The following SH2D4A variants were observed in gnomAD, a reference collection of about 807,000 sequenced individuals.
SH2D4A encodes the protein SH2 domain containing 4A.
In SH2D4A, 70 loss-of-function variants were observed where a neutral mutation model predicts 64.7. The observed-to-expected ratio is 1.08, with a 90% CI of 0.89 to 1.32. The LOEUF (loss-of-function observed/expected upper bound fraction) is 1.32, where lower values mean the gene tolerates loss of function less well. Among genes scored for constraint, SH2D4A ranks in the 40% most tolerant of loss-of-function variants. The pLI is 0.00. For missense variants in SH2D4A, 706 were observed against 540.1 expected (o/e 1.31, Z -3.04); for synonymous variants, 268 against 200.7 (o/e 1.34, Z -2.83).
intron 7 of SH2D4A, among the ~76,000 whole-genome samples, chr8:19,365,289 G>C (rs914063985): frequency 1.3e-5 from 2 of 152,106 alleles, no homozygotes; most frequent in African/African-American, 4.8e-5. Context: ...TTCGGGAAGT[G>C]GGGACCAACG....
intron 7 of SH2D4A, among the ~76,000 whole-genome samples, chr8:19,366,171 A>C (rs2052990624): frequency 6.6e-6 from 1 of 152,092 alleles, no homozygotes. Flanking sequence ...TTTTGTTTTT[A>C]ATTGACACAA....
chr8:19,393,256 A>G, intron 8 of SH2D4A, 62 bp from the exon 9 acceptor site: 1 of 1,485,268 alleles, frequency 6.7e-7, no homozygotes, highest in Non-Finnish European at 9.4e-7. Context: ...AGCTGGATTT[A>G]ACAGAGGGGA....
intron 6 of SH2D4A, among the ~76,000 whole-genome samples, chr8:19,361,641 C>A (rs2052890352): frequency 6.6e-6 from 1 of 152,056 alleles, no homozygotes; most frequent in African/African-American, 2.4e-5. Context: ...GAAGAAAAAA[C>A]ACCATGAAAT....
chr8:19,325,203 C>A (rs2052258311), intron 2 of SH2D4A, among the ~76,000 whole-genome samples: 1 of 152,152 alleles, frequency 6.6e-6, no homozygotes, highest in African/African-American at 2.4e-5. Flanking sequence ...CTCACTCACC[C>A]ACCTAGTCTC....
chr8:19,361,147 A>T, intron 5 of SH2D4A, 56 bp from the exon 6 acceptor site: 1 of 1,040,972 alleles, frequency 9.6e-7, no homozygotes, highest in Non-Finnish European at 1.4e-6. Flanking sequence ...TTGCTCACCA[A>T]GGTTCTTTTT....
At chr8:19,333,194 A>G (rs75744336) in intron 3 of SH2D4A, 80 bp downstream of exon 3, 44,997 of 1,471,448 alleles carry the variant, frequency 0.031, 799 homozygotes, top group Non-Finnish European at 0.034. Flanking sequence ...TCTTGCTCAC[A>G]GTATCAGGTG....
rs1359217254 is a variant in SH2D4A, at chr8:19,313,768, G to A, written c.-260G>A. On this transcript the variant is annotated 5_prime_UTR_variant, in exon 1 of 10. Coordinates refer to ENST00000265807, the MANE Select transcript of SH2D4A (RefSeq NM_022071.4). ...CCTCCCTTCCCCGACGGCTTCTGGC[G>A]GCCAAGTGGATGTGGCGGGTGATCG... 2 of 1,510,130 alleles carry A rather than the reference G, an allele frequency of 1.3e-6. No homozygotes were observed. The highest frequency in any genetic ancestry group is 2.4e-5 in the South Asian group (2 of 82,456). The allele number at this position is 1,510,130 out of a possible 1,614,324, so 93.5% of individuals were successfully genotyped here.
chr8:19,376,584 T>G (rs1176272810), intron 8 of SH2D4A, among the ~76,000 whole-genome samples: 9 of 152,132 alleles, frequency 5.9e-5, no homozygotes, highest in Non-Finnish European at 4.4e-5. Flanking sequence ...ATTGTGCCAT[T>G]GCACTCCAGG....
intron 7 of SH2D4A, among the ~76,000 whole-genome samples, chr8:19,373,234 G>A (rs2053133618): frequency 6.6e-6 from 1 of 151,726 alleles, no homozygotes; most frequent in Admixed American, 6.6e-5. Flanking sequence ...TAATGGTAGT[G>A]TGTCAGGGCT....
At chr8:19,369,433 T>C (rs1022549227) in intron 7 of SH2D4A, among the ~76,000 whole-genome samples, 17 of 152,104 alleles carry the variant, frequency 1.1e-4, no homozygotes, top group African/African-American at 3.6e-4. Context: ...CTTTAAATGA[T>C]TGATAGGATT....
intron 5 of SH2D4A, among the ~76,000 whole-genome samples, chr8:19,357,923 A>C (rs1047237842): frequency 2.6e-5 from 4 of 152,082 alleles, no homozygotes; most frequent in Non-Finnish European, 4.4e-5. Context: ...TGTGAAGAGA[A>C]GGTTCCTGAG....
chr8:19,393,234 C>G (rs952513720), intron 8 of SH2D4A, 84 bp from the exon 9 acceptor site: 1 of 1,251,064 alleles, frequency 8.0e-7, no homozygotes, highest in Non-Finnish European at 1.2e-6. Context: ...GTCATTGACT[C>G]TATATCCATG....
At chr8:19,356,340 C>T (rs1327393779) in intron 4 of SH2D4A, among the ~76,000 whole-genome samples, 1 of 152,164 alleles carries the variant, frequency 6.6e-6, no homozygotes, top group African/African-American at 2.4e-5. Context: ...GTGGCACCAA[C>T]CTTTTGCTGA....
intron 8 of SH2D4A, among the ~76,000 whole-genome samples, chr8:19,382,701 T>C (rs1164753927): frequency 3.3e-5 from 5 of 152,270 alleles, no homozygotes; most frequent in Non-Finnish European, 7.4e-5. Flanking sequence ...AGCATCTTTA[T>C]TGGCCCACTG....
Position 19,368,020 on chromosome 8 carries a change from AT to A in SH2D4A, c.917+3742del, listed in dbSNP as rs561887132. On this transcript the variant is annotated intron_variant, in intron 7 of 9. Coordinates refer to ENST00000265807, the MANE Select transcript of SH2D4A (RefSeq NM_022071.4). ...CCTCATATATTCAAGTCTTTAATCC[AT>A]TTTGAGCTGATTTTTGCACATAGCA... Among the ~76,000 whole-genome samples, 492 of 152,242 alleles carry A rather than the reference AT, an allele frequency of 3.2e-3. 2 individuals are homozygous for A. Among genetic ancestry groups the A allele is most frequent in the Non-Finnish European group, 5.2e-3 (353 of 68,016 alleles).
chr8:19,364,100 G>A lies in SH2D4A; in HGVS notation c.735G>A (p.Lys245=), dbSNP rs747946578. The A allele has an allele frequency of 1.9e-6, 3 of 1,613,892 alleles. No homozygotes were observed. The East Asian group carries it at 6.7e-5, about 36-fold the overall frequency. The change falls in exon 7 of 10, where the codon AAG becomes AAA. Residue 245 remains lysine, a synonymous_variant. Coordinates refer to ENST00000265807, the MANE Select transcript of SH2D4A (RefSeq NM_022071.4). ...SLRKSKAADE[K]RRSLAKQARE... ...GAAAATCCAAAGCAGCTGATGAGAA[G>A]AGACGCTCCTTGGCTAAACAAGCAC...
At position 19,366,028 on chromosome 8, in the gene SH2D4A, A is replaced by G. The variant is rs535710227; in HGVS notation, c.917+1746A>G. Among the ~76,000 whole-genome samples the G allele has an allele frequency of 1.8e-3, 277 of 152,294 alleles. 1 individual carries two copies. Among genetic ancestry groups the G allele is most frequent in the Non-Finnish European group, 2.3e-3 (159 of 68,024 alleles). On this transcript the variant is annotated intron_variant, in intron 7 of 9. Transcript: ENST00000265807. ...CATGCATATGTACAACTATATATAT[A>G]TATATCTGACAGTATGTCACACGTA...
chr8:19,357,959 A>AGG (rs2052820226), intron 5 of SH2D4A, among the ~76,000 whole-genome samples: 1 of 152,178 alleles, frequency 6.6e-6, no homozygotes, highest in East Asian at 1.9e-4. Flanking sequence ...AGGTCAGGCC[A>AGG]GGGACCTGTG....
At chr8:19,361,365 C>T in intron 6 of SH2D4A, 51 bp downstream of exon 6, 1 of 1,535,402 alleles carries the variant, frequency 6.5e-7, no homozygotes, top group Non-Finnish European at 8.7e-7. Context: ...AGCTGATTCT[C>T]TCCCTTAATA....
Sources: allele counts gnomAD v4.1 joint callset (sites outside exome capture counted in the v4.1 genomes callset), GRCh38; gene constraint gnomAD v4.1.1; transcripts MANE v1.5; gene names NCBI Gene and HGNC (gene_info 2026-07-23, HGNC 2026-07-21).